The following LYST variants were observed in gnomAD, a reference collection of about 807,000 sequenced individuals.
LYST encodes lysosomal trafficking regulator, also known as lysosomal-trafficking regulator.
In LYST, 192 loss-of-function variants were observed where a neutral mutation model predicts 413.6. That is an observed-to-expected ratio of 0.46 (90% CI 0.41 to 0.52). LYST has a LOEUF of 0.52. Among genes scored for constraint, LYST ranks in the 20% least tolerant of loss-of-function variants. LYST has a pLI of 0.00. For missense variants in LYST, 3,815 were observed against 4,499.9 expected, an observed-to-expected ratio of 0.85 and a Z score of 4.35; for synonymous variants, 1,525 against 1,567.3, an observed-to-expected ratio of 0.97 and a Z score of 0.64.
chr1:235,774,052 A>C (rs1668974520), intron 18 of LYST, 61 bp from the exon 19 acceptor site: 2 of 1,099,286 alleles, frequency 1.8e-6, no homozygotes, highest in African/African-American at 3.1e-5. Context: ...GAAGTTCAAC[A>C]GAAACATTAA....
At chr1:235,697,731 T>C (rs1204708658) in intron 45 of LYST, among the ~76,000 whole-genome samples, 6 of 152,180 alleles carry the variant, frequency 3.9e-5, no homozygotes, top group Non-Finnish European at 7.4e-5. Flanking sequence ...CTCTGATTCA[T>C]CTATGTGCCT....
intron 38 of LYST, among the ~76,000 whole-genome samples, chr1:235,727,124 C>CTTTTTT (rs763736405): frequency 7.4e-6 from 1 of 135,118 alleles, no homozygotes; most frequent in Admixed American, 7.4e-5. Context: ...TTCTTTCTTT[C>CTTTTTT]TTTTTTTTTT....
At chr1:235,868,236 A>G (rs1220675787), upstream of LYST, among the ~76,000 whole-genome samples, 4 of 151,474 alleles carry the variant, frequency 2.6e-5, no homozygotes, top group East Asian at 7.7e-4. Flanking sequence ...CAGTGGCCGG[A>G]TATCGGCTCA....
At position 235,802,981 on chromosome 1, in the gene LYST, T is replaced by C; in HGVS notation, c.3639A>G (p.Lys1213=). The C allele has an allele frequency of 6.2e-7, 1 of 1,613,546 alleles. No individual in the cohort carries two copies. Among genetic ancestry groups the C allele is most frequent in the Non-Finnish European group, 8.5e-7 (1 of 1,179,738 alleles). The change falls in exon 8 of 53, where the codon AAA becomes AAG. Residue 1213 remains lysine, a synonymous_variant. Transcript: ENST00000389793. ...CGTAACCTTCTTCTTCAACTAAAAGTTTAAAACTACAACACTGAGAATCCT... is the reference window on the plus strand; with the variant it reads ...CGTAACCTTCTTCTTCAACTAAAAGCTTAAAACTACAACACTGAGAATCCT... ...EAEDSQCCSF[K]LLVEEEGYEA...
chr1:235,709,172 G>C lies in LYST; in HGVS notation c.10062C>G (p.Ile3354Met). ...CAAACACCAAGTCAATCCACTGACA[G>C]ATGTTCTGCGACACGTAGTCAGACT... ...ALESDYVSQN[I>M]CQWIDLVFGY... The change falls in exon 44 of 53, where the codon ATC becomes ATG. Residue 3354 changes from isoleucine to methionine, a missense_variant. This residue lies in a region of LYST where 866 missense variants were observed against 1,156.0 expected (regional missense o/e 0.75). Coordinates refer to ENST00000389793, the MANE Select transcript of LYST (RefSeq NM_000081.4). 2 of 1,614,146 alleles carry C rather than the reference G, an allele frequency of 1.2e-6. No homozygotes were observed. Among genetic ancestry groups the C allele is most frequent in the Non-Finnish European group, 1.7e-6 (2 of 1,180,010 alleles).
rs1207595443 is a variant in LYST, at chr1:235,777,252, T to C, written c.5271A>G (p.Glu1757=). Residue 1757 remains glutamate (E), a synonymous_variant, in exon 17 of 53, where the codon GAA becomes GAG. Transcript: ENST00000389793. ...TYCPAQYTIY[E]PVIRLKGQMK... is the part of the protein sequence containing the mutation. ...TTTGACCTTTAAGTCTAATCACTGG[T>C]TCATAGATGGTATACTGAGCAGGAC... is the stretch of plus-strand genomic sequence containing the variant. 6.2e-7 allele frequency: 1 copy of C among 1,612,752 alleles called. No individual in the cohort carries two copies. The highest frequency in any genetic ancestry group is 1.3e-5 in the African/African-American group (1 of 74,888).
intron 29 of LYST, among the ~76,000 whole-genome samples, chr1:235,744,507 C>T (rs141544931): frequency 3.6e-4 from 55 of 152,142 alleles, no homozygotes; most frequent in African/African-American, 1.3e-3. Flanking sequence ...TGTTTCTCTG[C>T]ATGTGCTATA....
At chr1:235,732,894 T>C (rs1456019189) in intron 34 of LYST, among the ~76,000 whole-genome samples, 2 of 152,214 alleles carry the variant, frequency 1.3e-5, no homozygotes, top group Non-Finnish European at 2.9e-5. Context: ...CTTGTTATGG[T>C]TGTTAAATAC....
intron 46 of LYST, among the ~76,000 whole-genome samples, chr1:235,695,042 G>A (rs532649424): frequency 3.3e-5 from 5 of 152,312 alleles, no homozygotes; most frequent in African/African-American, 1.2e-4. Context: ...TTCAGTCAAT[G>A]CCTCTCTAGA....
chr1:235,712,035 TA>T, intron 43 of LYST, 21 bp downstream of exon 43: 1 of 1,500,668 alleles, frequency 6.7e-7, no homozygotes, highest in Non-Finnish European at 9.0e-7. Context: ...AAATATAAAT[TA>T]AAAATAATTT....
At position 235,852,723 on chromosome 1, in the gene LYST, A is replaced by C. The variant is rs111688389; in HGVS notation, c.-98+14120T>G. The stretch of plus-strand genomic sequence containing the variant: ...GAGTTCGCATTTAATAAATTATTTT[A>C]AAATGAGAATCCATTCTACAATCAA... On this transcript the variant is annotated intron_variant, in intron 1 of 52. Transcript: ENST00000389793. Among the ~76,000 whole-genome samples the C allele has an allele frequency of 3.4e-3, 514 of 152,322 alleles. 6 individuals are homozygous for C. Among genetic ancestry groups the C allele is most frequent in the African/African-American group, 0.012 (493 of 41,572 alleles).
intron 14 of LYST, among the ~76,000 whole-genome samples, chr1:235,785,050 CCT>C (rs1168243410): frequency 3.3e-5 from 5 of 152,198 alleles, no homozygotes; most frequent in African/African-American, 1.2e-4. Context: ...GCTCCTGCTC[CCT>C]GTCTCCCTCT....
At chr1:235,806,808 T>C (rs745683957) in intron 5 of LYST, 36 bp from the exon 6 acceptor site, 1 of 1,353,556 alleles carries the variant, frequency 7.4e-7, no homozygotes. Context: ...AAGGTTTAAA[T>C]AAAGAAACAT....
At chr1:235,696,931 AG>A (rs2103085155) in intron 46 of LYST, 151 bp downstream of exon 46, 3 of 708,614 alleles carry the variant, frequency 4.2e-6, no homozygotes, top group South Asian at 3.3e-5. Flanking sequence ...TTTTTCATGT[AG>A]CATGTTTTCA....
chr1:235,784,216 A>C (rs1428850939), intron 14 of LYST, among the ~76,000 whole-genome samples: 3 of 152,190 alleles, frequency 2.0e-5, no homozygotes, highest in Admixed American at 1.3e-4. Context: ...TGACAAAGAT[A>C]CTAGAGAACC....
chr1:235,677,739 A>G, intron 48 of LYST, 120 bp from the exon 49 acceptor site: 1 of 717,678 alleles, frequency 1.4e-6, no homozygotes, highest in Non-Finnish European at 2.4e-6. Flanking sequence ...TCATTCTTCA[A>G]TCCTATTCAG....
At position 235,702,569 on chromosome 1, in the gene LYST, T is replaced by C. The variant is rs183484782; in HGVS notation, c.10374+178A>G. On this transcript the variant is annotated intron_variant, in intron 45 of 52. Transcript: ENST00000389793. The stretch of plus-strand genomic sequence containing the variant: ...CTGAGCTCCCCAAAGCACTCTCTCA[T>C]ATCGCTAACACAGCATTTACCTCGC... Among the ~76,000 whole-genome samples the C allele has an allele frequency of 2.6e-5, 4 of 152,356 alleles. No individual in the cohort carries two copies. The East Asian group carries it at 7.7e-4, about 29-fold the overall frequency.
At chr1:235,849,637 G>A (rs77665259) in intron 1 of LYST, among the ~76,000 whole-genome samples, 9,548 of 151,970 alleles carry the variant, frequency 0.063, 993 homozygotes, top group African/African-American at 0.22. Context: ...CCTCTAGAAA[G>A]CTCACGGAAC....
At chr1:235,856,281 G>A (rs1679185161) in intron 1 of LYST, among the ~76,000 whole-genome samples, 1 of 152,136 alleles carries the variant, frequency 6.6e-6, no homozygotes. Flanking sequence ...TTGGTTATGA[G>A]ATCACTTTCT....
Sources: allele counts gnomAD v4.1 joint callset (sites outside exome capture counted in the v4.1 genomes callset), GRCh38; gene constraint gnomAD v4.1.1; regional missense constraint gnomAD v4.1.1; transcripts MANE v1.5; gene names NCBI Gene and HGNC (gene_info 2026-07-23, HGNC 2026-07-21).